ZFHX4: variants seen among roughly 807,000 people sequenced by gnomAD.
ZFHX4 encodes the protein zinc finger homeobox protein 4.
Under a neutral mutation model 267.6 loss-of-function variants are expected in ZFHX4, and 56 were observed. The observed-to-expected ratio is 0.21, with a 90% confidence interval of 0.17 to 0.26. The LOEUF is 0.26. Ranked by LOEUF, ZFHX4 falls within the 10% of genes least tolerant of loss-of-function variation. The probability of loss-of-function intolerance (pLI) is 1.00; values close to 1 mark genes in which losing one functional copy is unlikely to be tolerated. For synonymous variants in ZFHX4, 1,778 were observed against 1,665.6 expected (o/e 1.07, Z -1.64); for missense variants, 4,332 against 4,420.0 (o/e 0.98, Z 0.56).
chr8:76,733,694 C>A (rs188618724), intron 3 of ZFHX4, among the ~76,000 whole-genome samples: 11 of 152,156 alleles, frequency 7.2e-5, no homozygotes, highest in African/African-American at 1.2e-4. Context: ...AGATCATGCC[C>A]AGATCGGATT....
intron 2 of ZFHX4, among the ~76,000 whole-genome samples, chr8:76,706,887 C>T (rs542529735): frequency 7.9e-5 from 12 of 152,280 alleles, no homozygotes; most frequent in Admixed American, 1.3e-4. Flanking sequence ...GGATCAATGG[C>T]GGCATCAGCG....
intron 1 of ZFHX4, among the ~76,000 whole-genome samples, chr8:76,701,794 A>T (rs930103455): frequency 9.2e-5 from 14 of 152,112 alleles, no homozygotes; most frequent in African/African-American, 3.1e-4. Flanking sequence ...CTTTCTAATT[A>T]AAGTGAATTT....
In ZFHX4 at chr8:76,706,329, C is replaced by T. The variant is rs559531305; in HGVS notation, c.2241C>T (p.Asn747=). ...TTGGCCACTCTGCCCCAGCCCCCAA[C>T]ACCAGCCTCAGTGGCTGCGGAACAC... is the stretch of plus-strand genomic sequence containing the variant. The part of the protein sequence containing the change: ...QVFGHSAPAP[N]TSLSGCGTPS... The change falls in exon 2 of 11, where the codon AAC becomes AAT. Residue 747 remains asparagine (N), a synonymous_variant. Coordinates refer to ENST00000651372, the MANE Select transcript of ZFHX4 (RefSeq NM_024721.5). 2.5e-6 allele frequency: 4 copies of T among 1,614,152 alleles called. No individual in the cohort carries two copies. The highest frequency in any genetic ancestry group is 3.4e-6 in the Non-Finnish European group (4 of 1,180,000).
chr8:76,768,965 G>T (rs1288816411), intron 3 of ZFHX4, among the ~76,000 whole-genome samples: 1 of 152,128 alleles, frequency 6.6e-6, no homozygotes, highest in Non-Finnish European at 1.5e-5. Context: ...AGGTGTGGTG[G>T]TGCATGCTTG....
intron 4 of ZFHX4, among the ~76,000 whole-genome samples, chr8:76,798,218 A>G (rs1811032675): frequency 6.6e-6 from 1 of 152,112 alleles, no homozygotes; most frequent in Non-Finnish European, 1.5e-5. Context: ...TGGTGTATGT[A>G]TCATGATTTT....
intron 4 of ZFHX4, among the ~76,000 whole-genome samples, chr8:76,796,069 G>A (rs551558924): frequency 2.0e-3 from 305 of 152,220 alleles, no homozygotes; most frequent in African/African-American, 7.0e-3. Context: ...TTTATAGAAA[G>A]TATATTTGGG....
chr8:76,783,664 A>G (rs1424440547), intron 4 of ZFHX4, among the ~76,000 whole-genome samples: 1 of 152,038 alleles, frequency 6.6e-6, no homozygotes, highest in Non-Finnish European at 1.5e-5. Context: ...TTCAAAATGT[A>G]AGATAGCCAT....
In ZFHX4 at chr8:76,705,262, G is replaced by T. The variant is rs1460348973; in HGVS notation, c.1174G>T (p.Ala392Ser). The T allele has an allele frequency of 6.2e-7, 1 of 1,614,024 alleles. No homozygotes were observed. The change falls in exon 2 of 11, where the codon GCA (alanine) becomes TCA (serine). Residue 392 changes from alanine to serine, a missense_variant. Physicochemically the swap from Ala to Ser is moderately conservative, Grantham distance 99. Around this residue, in one of 7 missense-constraint regions of ZFHX4, gnomAD observed 1,195 missense variants for 1,173.6 expected, o/e 1.02. Coordinates refer to ENST00000651372, the MANE Select transcript of ZFHX4 (RefSeq NM_024721.5). ...AGGAAGCGCGAGCACCTCGAGCTCA[G>T]CAGAGCAGCCGCTGGGGATTACCCA... The part of the protein sequence containing the change: ...LKGSASTSSS[A>S]EQPLGITQMP...
chr8:76,856,755 C>G (rs1038309641), intron 10 of ZFHX4, among the ~76,000 whole-genome samples: 1 of 152,222 alleles, frequency 6.6e-6, no homozygotes, highest in South Asian at 2.1e-4. Context: ...CCCCCCGCCG[C>G]CACCCTGTGA....
intron 3 of ZFHX4, among the ~76,000 whole-genome samples, chr8:76,754,881 C>G (rs894971254): frequency 5.9e-5 from 9 of 152,112 alleles, no homozygotes; most frequent in Non-Finnish European, 1.3e-4. Context: ...ATAATTCACT[C>G]TCTACTTCAA....
At chr8:76,736,017 T>G (rs1457781020) in intron 3 of ZFHX4, among the ~76,000 whole-genome samples, 2 of 152,106 alleles carry the variant, frequency 1.3e-5, no homozygotes, top group Non-Finnish European at 2.9e-5. Context: ...TTAATCTCTG[T>G]AATTTAGTCT....
chr8:76,866,742 A>G lies in ZFHX4; in HGVS notation c.*2177A>G, dbSNP rs1813042707. On this transcript the variant is annotated 3_prime_UTR_variant, in exon 11 of 11. Transcript: ENST00000651372. The stretch of plus-strand genomic sequence containing the variant: ...AAAACAAAGGACTGTTTTACAAATG[A>G]TTATTCCGACAGTGTGTCGACATAA... The G allele has an allele frequency of 6.6e-6, 1 of 152,018 alleles. No individual in the cohort carries two copies. Among genetic ancestry groups the G allele is most frequent in the South Asian group, 2.1e-4 (1 of 4,786 alleles). The allele number at this position is 152,018 out of a possible 1,614,324, so 9.4% of individuals were successfully genotyped here.
chr8:76,731,888 T>C (rs1809023170), intron 3 of ZFHX4, among the ~76,000 whole-genome samples: 1 of 149,916 alleles, frequency 6.7e-6, no homozygotes, highest in Admixed American at 6.7e-5. Context: ...ATTATTATTA[T>C]TATTTTTGAG....
intron 1 of ZFHX4, among the ~76,000 whole-genome samples, chr8:76,689,919 A>G (rs1443713843): frequency 6.6e-6 from 1 of 152,100 alleles, no homozygotes; most frequent in Non-Finnish European, 1.5e-5. Flanking sequence ...GATAAAATAA[A>G]CAAATACGAT....
In ZFHX4 at chr8:76,855,521, C is replaced by G. The variant is rs553133696; in HGVS notation, c.8600C>G (p.Ser2867Cys). 32 of 1,613,896 alleles carry G rather than the reference C, an allele frequency of 2.0e-5. No individual in the cohort carries two copies. In the Admixed American group the frequency reaches 4.7e-4, roughly 24 times the overall value. Residue 2867 changes from serine (S) to cysteine (C), a missense_variant, in exon 10 of 11, where the codon TCT becomes TGT. Physicochemically the swap from Ser to Cys is moderately radical, Grantham distance 112 (BLOSUM62 -1). Coordinates refer to ENST00000651372, the MANE Select transcript of ZFHX4 (RefSeq NM_024721.5). The stretch of plus-strand genomic sequence containing the variant: ...GTCTGCGATGACAAATTTCTCTTTT[C>G]TCTCACAAGCCCATCCATCCATTTC... ...TEVCDDKFLFSLTSPSIHFND... is the reference protein window; with the variant it reads ...TEVCDDKFLFCLTSPSIHFND...
chr8:76,771,066 A>G (rs1466812815), intron 3 of ZFHX4, among the ~76,000 whole-genome samples: 1 of 152,180 alleles, frequency 6.6e-6, no homozygotes, highest in Non-Finnish European at 1.5e-5. Flanking sequence ...CATTCTATTT[A>G]GAGTCATGTT....
At chr8:76,823,687 A>G (rs537146360) in intron 4 of ZFHX4, among the ~76,000 whole-genome samples, 1 of 152,196 alleles carries the variant, frequency 6.6e-6, no homozygotes, top group South Asian at 2.1e-4. Context: ...CATTATTTAC[A>G]TAGAATTTAG....
At position 76,851,822 on chromosome 8, in the gene ZFHX4, G is replaced by T. The variant is rs772581837; in HGVS notation, c.4901G>T (p.Gly1634Val). The T allele has an allele frequency of 6.2e-7, 1 of 1,613,956 alleles. No homozygotes were observed. Among genetic ancestry groups the T allele is most frequent in the Admixed American group, 1.7e-5 (1 of 60,030 alleles). ...CTGGAGCCCAGTGGTCATGTGGCTGGTGGGCACAGCATTGCAGCAAATGTC... is the reference window on the plus strand; with the variant it reads ...CTGGAGCCCAGTGGTCATGTGGCTGTTGGGCACAGCATTGCAGCAAATGTC... Reference protein sequence around the residue: ...AKLEPSGHVAGGHSIAANVNS... With the variant: ...AKLEPSGHVAVGHSIAANVNS... The change falls in exon 10 of 11, where the codon GGT becomes GTT. Residue 1634 changes from glycine (G) to valine (V), a missense_variant. By Grantham distance (109) the Gly-to-Val change is moderately radical. This residue lies in a region of ZFHX4 where 1,371 missense variants were observed against 1,423.1 expected (regional missense o/e 0.96). Coordinates refer to ENST00000651372, the MANE Select transcript of ZFHX4 (RefSeq NM_024721.5).
chr8:76,860,442 A>C (rs1812836025), intron 10 of ZFHX4, among the ~76,000 whole-genome samples: 1 of 152,126 alleles, frequency 6.6e-6, no homozygotes, highest in African/African-American at 2.4e-5. Context: ...AACCTAAGTC[A>C]ACAACTATTG....
Sources: gnomAD v4.1 joint callset for allele counts (sites outside exome capture counted in the v4.1 genomes callset) on GRCh38, gnomAD v4.1.1 for gene constraint, gnomAD v4.1.1 regional missense constraint, MANE v1.5 for transcripts, NCBI Gene and HGNC (gene_info 2026-07-23, HGNC 2026-07-21) for gene names.